The following PTPRN2 variants were observed in gnomAD, a reference collection of about 807,000 sequenced individuals.
The protein encoded by PTPRN2 is receptor-type tyrosine-protein phosphatase N2.
PTPRN2 carries 74 observed loss-of-function variants against 118.8 expected under a neutral mutation model. The observed-to-expected ratio is 0.62, with a 90% CI of 0.52 to 0.76. The LOEUF (loss-of-function observed/expected upper bound fraction) is 0.76. Ranked by LOEUF, PTPRN2 falls within the 30% of genes least tolerant of loss-of-function variation. The probability of loss-of-function intolerance (pLI) is 0.00; values close to 1 mark genes in which losing one functional copy is unlikely to be tolerated. For missense variants in PTPRN2, 1,481 were observed against 1,394.4 expected (o/e 1.06, Z -0.99); for synonymous variants, 641 against 608.0 (o/e 1.05, Z -0.80).
chr7:157,552,758 C>T (rs993475404), intron 21 of PTPRN2, among the ~76,000 whole-genome samples: 2 of 152,190 alleles, frequency 1.3e-5, no homozygotes, highest in South Asian at 2.1e-4. Context: ...TGTCACATGA[C>T]GTGGGGAAGC....
intron 3 of PTPRN2, among the ~76,000 whole-genome samples, chr7:158,263,776 C>G (rs1298273704): frequency 6.6e-6 from 1 of 152,202 alleles, no homozygotes; most frequent in Admixed American, 6.5e-5. Context: ...TGGGGAGAAC[C>G]TCCTGCCAGT....
Position 157,609,275 on chromosome 7 carries a change from T to C in PTPRN2, c.2345-5200A>G, listed in dbSNP as rs1397905115. On this transcript the variant is annotated intron_variant, in intron 15 of 22. Coordinates refer to ENST00000389418, the MANE Select transcript of PTPRN2 (RefSeq NM_002847.5). This position sits in a 1 kb window ranked among gnomAD's most constrained non-coding sequence, Gnocchi z 4.9. ...GTGGGCGGCTGTAATCCCAGCTACTTGGGAGGCTGAGGCAGGAGAATTGCT... is the reference window on the plus strand; with the variant it reads ...GTGGGCGGCTGTAATCCCAGCTACTCGGGAGGCTGAGGCAGGAGAATTGCT... Among the ~76,000 whole-genome samples the C allele has an allele frequency of 1.3e-5, 2 of 151,918 alleles. No individual in the cohort carries two copies. Among genetic ancestry groups the C allele is most frequent in the Non-Finnish European group, 2.9e-5 (2 of 67,984 alleles).
chr7:157,970,858 C>G (rs1802282593), intron 11 of PTPRN2, among the ~76,000 whole-genome samples: 1 of 152,208 alleles, frequency 6.6e-6, no homozygotes, highest in Non-Finnish European at 1.5e-5. Flanking sequence ...CCCTGACACT[C>G]CCTGGTCCCC....
At chr7:157,636,805 G>A (rs945981677) in intron 14 of PTPRN2, among the ~76,000 whole-genome samples, 28 of 152,212 alleles carry the variant, frequency 1.8e-4, no homozygotes, top group South Asian at 2.1e-4. Flanking sequence ...TTCTTTTCCC[G>A]TCCATTTTAA....
rs1047571781 is a variant in PTPRN2, at chr7:157,540,492, C to G, written c.*222G>C. On this transcript the variant is annotated 3_prime_UTR_variant, in exon 23 of 23. Coordinates refer to ENST00000389418, the MANE Select transcript of PTPRN2 (RefSeq NM_002847.5). ...TTTAAGCAAGTGAAAATTGATGAAC[C>G]GATTCCCCTCCACCCGTAACTGGAT... is the stretch of plus-strand genomic sequence containing the variant. 7.6e-5 allele frequency: 31 copies of G among 406,736 alleles called. No homozygotes were observed. The highest frequency in any genetic ancestry group is 9.6e-5 in the Non-Finnish European group (22 of 228,166). 25.2% of individuals were successfully genotyped at this position (406,736 alleles called of 1,614,324 possible). A position where few individuals can be genotyped will look rare whatever the true frequency, so the allele number is the denominator to read the frequency against.
At chr7:158,337,702 C>T (rs1805948310) in intron 2 of PTPRN2, among the ~76,000 whole-genome samples, 1 of 151,492 alleles carries the variant, frequency 6.6e-6, no homozygotes, top group African/African-American at 2.4e-5. Context: ...CACACTCTCA[C>T]CATAAGAGCT....
At chr7:158,241,115 G>T (rs1374616837) in intron 3 of PTPRN2, among the ~76,000 whole-genome samples, 1 of 152,234 alleles carries the variant, frequency 6.6e-6, no homozygotes, top group Non-Finnish European at 1.5e-5. Context: ...AGTGTTCTTG[G>T]TTAACCCATT....
At chr7:158,152,258 C>T (rs986506419) in intron 6 of PTPRN2, among the ~76,000 whole-genome samples, 5 of 150,702 alleles carry the variant, frequency 3.3e-5, no homozygotes, top group Admixed American at 6.6e-5. Context: ...TATGAAGGAT[C>T]GGGGGCTGGA....
At chr7:158,048,861 C>T (rs970316691) in intron 11 of PTPRN2, among the ~76,000 whole-genome samples, 2 of 31,480 alleles carry the variant, frequency 6.4e-5, no homozygotes. Flanking sequence ...ACCAATATCA[C>T]TATCACCATC....
intron 2 of PTPRN2, among the ~76,000 whole-genome samples, chr7:158,328,700 TGTGA>T (rs1232130360): frequency 1.3e-5 from 2 of 150,202 alleles, no homozygotes; most frequent in Admixed American, 6.6e-5. Flanking sequence ...CAGCTTCCCT[TGTGA>T]GTGTGAGTGA....
chr7:157,772,740 G>C (rs940118954), intron 12 of PTPRN2, among the ~76,000 whole-genome samples: 1 of 152,232 alleles, frequency 6.6e-6, no homozygotes, highest in Non-Finnish European at 1.5e-5. Flanking sequence ...CCCTGTGGGG[G>C]GTGGGAGAAC....
rs1229595672 is a variant in PTPRN2, at chr7:157,779,664, C to T, written c.1789-96727G>A. On this transcript the variant is annotated intron_variant, in intron 12 of 22. Coordinates refer to ENST00000389418, the MANE Select transcript of PTPRN2 (RefSeq NM_002847.5). The surrounding 1 kb of genome is among the most constrained non-coding windows in gnomAD (Gnocchi z 4.7). ...ACAAAGGCTGACCCTAGACTCTGGCCAGGACGAGCTGGGGTGAGGGGCCCC... is the reference window on the plus strand; with the variant it reads ...ACAAAGGCTGACCCTAGACTCTGGCTAGGACGAGCTGGGGTGAGGGGCCCC... 1.3e-5 allele frequency among the ~76,000 whole-genome samples: 2 copies of T among 152,166 alleles called. No homozygotes were observed. Among genetic ancestry groups the T allele is most frequent in the Non-Finnish European group, 2.9e-5 (2 of 68,010 alleles).
intron 1 of PTPRN2, among the ~76,000 whole-genome samples, chr7:158,543,796 T>TC (rs1784239288): frequency 1.3e-5 from 2 of 152,214 alleles, no homozygotes; most frequent in African/African-American, 4.8e-5. Flanking sequence ...TCAATCTCTT[T>TC]CCTCACAAAA....
chr7:157,986,517 T>C lies in PTPRN2; in HGVS notation c.1724-87780A>G, dbSNP rs182404932. Among the ~76,000 whole-genome samples the C allele has an allele frequency of 2.2e-4, 33 of 151,928 alleles. No homozygotes were observed. The highest frequency in any genetic ancestry group is 1.6e-3 in the Admixed American group (24 of 15,234). The stretch of plus-strand genomic sequence containing the variant: ...TCCCCAAGCACAGGCCATGCCTGCC[T>C]CTCCCAGGTGGCATCTCCTCTCTGT... On this transcript the variant is annotated intron_variant, in intron 11 of 22. Transcript: ENST00000389418. The surrounding 1 kb of genome is among the most constrained non-coding windows in gnomAD (Gnocchi z 4.5).
chr7:158,162,769 T>C (rs1387395871), intron 6 of PTPRN2, among the ~76,000 whole-genome samples: 2 of 152,122 alleles, frequency 1.3e-5, no homozygotes, highest in Non-Finnish European at 2.9e-5. Context: ...GAGTCTCTTT[T>C]TAAAGCTTTT....
intron 2 of PTPRN2, among the ~76,000 whole-genome samples, chr7:158,372,413 C>A (rs1350469266): frequency 6.8e-6 from 1 of 147,386 alleles, no homozygotes; most frequent in African/African-American, 2.5e-5. Context: ...CAGAGCTGGT[C>A]CCCCCAACAC....
chr7:157,661,122 G>T (rs1795862942), intron 13 of PTPRN2, among the ~76,000 whole-genome samples: 1 of 152,260 alleles, frequency 6.6e-6, no homozygotes, highest in African/African-American at 2.4e-5. Flanking sequence ...GTGCCCAGTG[G>T]CTCAGTGCTG....
In PTPRN2 at chr7:158,133,703, C is replaced by A. The variant is rs188565967; in HGVS notation, c.1530G>T (p.Ala510=). ...QLEVQPSEEE[A]RGYIVTDRDP... is the part of the protein sequence containing the mutation. The stretch of plus-strand genomic sequence containing the variant: ...CTCTGTCTGTCACGATGTAGCCCCG[C>A]GCCTCTTCCTCGGAAGGCTGGACCT... Residue 510 remains alanine (A), a synonymous_variant, in exon 9 of 23, where the codon GCG becomes GCT. Transcript: ENST00000389418. 33 of 1,603,946 alleles carry A rather than the reference C, an allele frequency of 2.1e-5. No individual in the cohort carries two copies. The African/African-American group carries it at 3.1e-4, about 15-fold the overall frequency.
At chr7:158,365,209 G>A (rs1050657114) in intron 2 of PTPRN2, among the ~76,000 whole-genome samples, 2 of 152,190 alleles carry the variant, frequency 1.3e-5, no homozygotes, top group Admixed American at 1.3e-4. Flanking sequence ...AGCGCCTCAC[G>A]TGAGCCACAG....
Sources: gnomAD v4.1 joint callset for allele counts (sites outside exome capture counted in the v4.1 genomes callset) on GRCh38, gnomAD v4.1.1 for gene constraint, Gnocchi (gnomAD v3.1) non-coding constraint, MANE v1.5 for transcripts, NCBI Gene and HGNC (gene_info 2026-07-23, HGNC 2026-07-21) for gene names.